The following CPT1A variants were observed in gnomAD, a reference collection of about 807,000 sequenced individuals.
The protein encoded by CPT1A is carnitine palmitoyltransferase 1A, also known as carnitine O-palmitoyltransferase 1, liver isoform.
In CPT1A, 64 loss-of-function variants were observed where a neutral mutation model predicts 100.8. The observed-to-expected ratio is 0.63, with a 90% CI of 0.52 to 0.78. The LOEUF (loss-of-function observed/expected upper bound fraction) is 0.78, where lower values mean the gene tolerates loss of function less well. Among genes scored for constraint, CPT1A ranks in the 30% least tolerant of loss-of-function variants. CPT1A has a pLI of 0.00. For missense variants in CPT1A, 802 were observed against 1,034.1 expected, an observed-to-expected ratio of 0.78 and a Z score of 3.08; for synonymous variants, 363 against 396.0, an observed-to-expected ratio of 0.92 and a Z score of 0.99.
In CPT1A at chr11:68,815,552, A is replaced by G; in HGVS notation, c.-13-65T>C. The stretch of plus-strand genomic sequence containing the variant: ...TGACCAGACACTAAAAAACCCTCAT[A>G]CAGAAGTGCCATTCCTTCTGAACTT... On this transcript the variant is annotated intron_variant, in intron 1 of 18. Transcript: ENST00000265641. The G allele has an allele frequency of 6.0e-6, 9 of 1,497,594 alleles. No individual in the cohort carries two copies. The South Asian group carries it at 9.1e-5, about 15-fold the overall frequency. The allele number at this position is 1,497,594 out of a possible 1,614,324, so 92.8% of individuals were successfully genotyped here.
At chr11:68,762,500 G>C (rs933985979) in intron 15 of CPT1A, 127 bp downstream of exon 15, 4 of 1,223,054 alleles carry the variant, frequency 3.3e-6, no homozygotes, top group Admixed American at 1.8e-5. Flanking sequence ...GAAAGAAGCT[G>C]AATTGAGCAC....
rs376141677 is a variant in CPT1A, at chr11:68,760,284, C to G, written c.2083G>C (p.Glu695Gln). ...GGGTTATTCTCCAAGTCAAACAGCT[C>G]CACTTGCTGCTGAGGGGTCTGGCTT... ...STSQTPQQQV[E>Q]LFDLENNPEY... Residue 695 changes from glutamate to glutamine, a missense_variant, in exon 17 of 19, where the codon GAG (glutamate) becomes CAG (glutamine). Glu to Gln is a conservative substitution (Grantham distance 29). This residue lies in a region of CPT1A where 627 missense variants were observed against 799.3 expected (regional missense o/e 0.78). Transcript: ENST00000265641. The G allele has an allele frequency of 6.2e-7, 1 of 1,612,812 alleles. No individual in the cohort carries two copies. Among genetic ancestry groups the G allele is most frequent in the Non-Finnish European group, 8.5e-7 (1 of 1,179,744 alleles).
intron 14 of CPT1A, among the ~76,000 whole-genome samples, chr11:68,766,576 C>T (rs1373814488): frequency 6.6e-6 from 1 of 152,096 alleles, no homozygotes; most frequent in Non-Finnish European, 1.5e-5. Flanking sequence ...ACCTCCGCCT[C>T]CCAGGTTCAA....
chr11:68,813,888 C>CTCAG (rs1340982911), intron 2 of CPT1A, among the ~76,000 whole-genome samples: 2 of 152,118 alleles, frequency 1.3e-5, no homozygotes, highest in African/African-American at 4.8e-5. Context: ...TTTATCTGGG[C>CTCAG]CCAAGAACCC....
intron 5 of CPT1A, among the ~76,000 whole-genome samples, chr11:68,801,099 A>C (rs1464905538): frequency 6.6e-6 from 1 of 151,988 alleles, no homozygotes; most frequent in Non-Finnish European, 1.5e-5. Flanking sequence ...AGAGAGTGAG[A>C]CTCTGTCTCC....
chr11:68,801,892 C>G (rs941259004), intron 5 of CPT1A, among the ~76,000 whole-genome samples: 3 of 152,144 alleles, frequency 2.0e-5, no homozygotes, highest in Non-Finnish European at 4.4e-5. Flanking sequence ...CTCCTGGATA[C>G]GTCCCCAACA....
chr11:68,790,175 A>T (rs1380438015), intron 9 of CPT1A, among the ~76,000 whole-genome samples: 4 of 151,920 alleles, frequency 2.6e-5, no homozygotes, highest in Non-Finnish European at 5.9e-5. Context: ...GGCTCAAGTG[A>T]TCCTCCCTCC....
chr11:68,817,053 G>C (rs1185447357), intron 1 of CPT1A, among the ~76,000 whole-genome samples: 2 of 21,132 alleles, frequency 9.5e-5, no homozygotes, highest in Non-Finnish European at 8.1e-4. Context: ...GTGTGGTTGT[G>C]TGGGGGGTGG....
intron 3 of CPT1A, among the ~76,000 whole-genome samples, chr11:68,811,517 G>C (rs753472969): frequency 6.6e-6 from 1 of 152,032 alleles, no homozygotes; most frequent in East Asian, 1.9e-4. Context: ...GTGTTCACTC[G>C]CATTTGTCTC....
At chr11:68,805,546 C>T (rs1382613498) in intron 4 of CPT1A, among the ~76,000 whole-genome samples, 1 of 152,082 alleles carries the variant, frequency 6.6e-6, no homozygotes, top group Non-Finnish European at 1.5e-5. Context: ...CAGGCTCCCC[C>T]AGAGGTTGGG....
In CPT1A at chr11:68,762,707, C is replaced by G. The variant is rs1399699412; in HGVS notation, c.1795G>C (p.Glu599Gln). Residue 599 changes from glutamate to glutamine, a missense_variant, in exon 15 of 19, where the codon GAG (glutamate) becomes CAG (glutamine). Physicochemically the swap from Glu to Gln is conservative, Grantham distance 29. Transcript: ENST00000265641. ...GAGCGCACGGTCTCCGTCCTCCCCT[C>G]TCGGAAGAGCCGGGTCATGGAGGCC... Reference protein sequence around the residue: ...YEASMTRLFREGRTETVRSCT... With the variant: ...YEASMTRLFRQGRTETVRSCT... 1 of 1,614,070 alleles carries G rather than the reference C, an allele frequency of 6.2e-7. No homozygotes were observed. Among genetic ancestry groups the G allele is most frequent in the East Asian group, 2.2e-5 (1 of 44,878 alleles).
rs966750670 is a variant in CPT1A at position 68,755,953 on chromosome 11, A to G, written c.*1691T>C. The G allele has an allele frequency of 1.3e-5, 2 of 151,340 alleles. No individual in the cohort carries two copies. Among genetic ancestry groups the G allele is most frequent in the Non-Finnish European group, 2.9e-5 (2 of 67,880 alleles). 9.4% of individuals were successfully genotyped at this position (151,340 alleles called of 1,614,324 possible). ...ATATGATGAAACCCCGTCTCTACTAAAAATACAAAAATTAGCAGGGCATGG... is the reference window on the plus strand; with the variant it reads ...ATATGATGAAACCCCGTCTCTACTAGAAATACAAAAATTAGCAGGGCATGG... On this transcript the variant is annotated 3_prime_UTR_variant, in exon 19 of 19. Coordinates refer to ENST00000265641, the MANE Select transcript of CPT1A (RefSeq NM_001876.4).
chr11:68,840,107 CCA>C (rs2154003247), intron 1 of CPT1A, among the ~76,000 whole-genome samples: 1 of 152,330 alleles, frequency 6.6e-6, no homozygotes, highest in South Asian at 2.1e-4. Context: ...GAAAAGCAGT[CCA>C]CAGGCTCTTG....
chr11:68,812,211 C>A (rs1305974769), intron 3 of CPT1A, among the ~76,000 whole-genome samples: 1 of 152,184 alleles, frequency 6.6e-6, no homozygotes, highest in Non-Finnish European at 1.5e-5. Flanking sequence ...AGGGCCACTA[C>A]CACTCTTCTC....
intron 1 of CPT1A, among the ~76,000 whole-genome samples, chr11:68,822,388 C>G (rs1399694780): frequency 6.6e-6 from 1 of 151,840 alleles, no homozygotes; most frequent in Non-Finnish European, 1.5e-5. Flanking sequence ...AAGAAATTAC[C>G]CAGGCATGGT....
At chr11:68,824,512 A>G (rs1856671522) in intron 1 of CPT1A, among the ~76,000 whole-genome samples, 1 of 152,152 alleles carries the variant, frequency 6.6e-6, no homozygotes, top group Non-Finnish European at 1.5e-5. Flanking sequence ...AACAACTGTT[A>G]CCTCATGGCA....
chr11:68,778,721 A>G (rs1268584676), intron 12 of CPT1A, among the ~76,000 whole-genome samples: 3 of 152,058 alleles, frequency 2.0e-5, no homozygotes, highest in Non-Finnish European at 4.4e-5. Flanking sequence ...AATTCAAAAC[A>G]TTCACAGAAG....
intron 10 of CPT1A, among the ~76,000 whole-genome samples, chr11:68,783,610 T>C (rs2153998204): frequency 6.6e-6 from 1 of 152,362 alleles, no homozygotes; most frequent in Admixed American, 6.5e-5. Flanking sequence ...GTCACACTGC[T>C]GGAACGCAGC....
intron 1 of CPT1A, among the ~76,000 whole-genome samples, chr11:68,818,856 T>TCAA (rs1555233082): frequency 2.0e-5 from 3 of 151,724 alleles, no homozygotes; most frequent in East Asian, 2.0e-4. Context: ...AGACCCTATC[T>TCAA]CAACAACAAC....
Sources: allele counts gnomAD v4.1 joint callset (sites outside exome capture counted in the v4.1 genomes callset), GRCh38; gene constraint gnomAD v4.1.1; regional missense constraint gnomAD v4.1.1; transcripts MANE v1.5; gene names NCBI Gene and HGNC (gene_info 2026-07-23, HGNC 2026-07-21).